LRMDA: variants seen among roughly 807,000 people sequenced by gnomAD.
LRMDA encodes the protein leucine rich melanocyte differentiation associated.
LRMDA carries 18 observed loss-of-function variants against 29.8 expected under a neutral mutation model. The observed-to-expected ratio is 0.60, with a 90% CI of 0.42 to 0.90. The LOEUF (loss-of-function observed/expected upper bound fraction) is 0.90, where lower values mean the gene tolerates loss of function less well. LRMDA is among the 40% of genes least tolerant of loss of function. The pLI, the probability that LRMDA is intolerant of heterozygous loss-of-function variation, is 0.00. For missense variants in LRMDA, 273 were observed against 273.9 expected (o/e 1.00, Z 0.02); for synonymous variants, 125 against 109.4 (o/e 1.14, Z -0.89).
chr10:75,811,441 A>G (rs930673061), intron 2 of LRMDA, among the ~76,000 whole-genome samples: 2 of 152,168 alleles, frequency 1.3e-5, no homozygotes, highest in Non-Finnish European at 2.9e-5. Context: ...CAGCTGCCTC[A>G]GGTGCTGCTG....
At chr10:75,554,827 C>T (rs574953322) in intron 2 of LRMDA, among the ~76,000 whole-genome samples, 3 of 152,224 alleles carry the variant, frequency 2.0e-5, no homozygotes, top group East Asian at 1.9e-4. Context: ...ATAATACTTT[C>T]GTTAAAGGAT....
rs893110658 is a variant in LRMDA at position 75,889,664 on chromosome 10, G to A, written c.132-146344G>A. 2.0e-5 allele frequency among the ~76,000 whole-genome samples: 3 copies of A among 152,298 alleles called. No individual in the cohort carries two copies. The South Asian group carries it at 6.2e-4, about 32-fold the overall frequency. On this transcript the variant is annotated intron_variant, in intron 2 of 6. Coordinates refer to ENST00000611255, the MANE Select transcript of LRMDA (RefSeq NM_001305581.2). ...TTACTAAAGATCAGAGCTGAACTTG[G>A]AGAGGTGGCATGTGGGTACCAAACA...
intron 5 of LRMDA, among the ~76,000 whole-genome samples, chr10:76,167,612 G>A (rs1200698315): frequency 6.6e-6 from 1 of 152,080 alleles, no homozygotes; most frequent in Non-Finnish European, 1.5e-5. Context: ...ATTGGTCTAT[G>A]TATCTGTTTT....
chr10:76,366,460 T>C (rs1288809835), intron 6 of LRMDA, among the ~76,000 whole-genome samples: 1 of 152,214 alleles, frequency 6.6e-6, no homozygotes, highest in East Asian at 1.9e-4. Flanking sequence ...CTTGTAGAGG[T>C]CTTTCAACTC....
intron 2 of LRMDA, among the ~76,000 whole-genome samples, chr10:75,458,896 A>C (rs1328581253): frequency 6.6e-6 from 1 of 151,902 alleles, no homozygotes; most frequent in African/African-American, 2.4e-5. Flanking sequence ...CATAAAAAAA[A>C]CTCCCATCTG....
chr10:75,996,717 T>C (rs1429262817), intron 2 of LRMDA, among the ~76,000 whole-genome samples: 1 of 151,994 alleles, frequency 6.6e-6, no homozygotes, highest in Non-Finnish European at 1.5e-5. Flanking sequence ...AATTACGTGT[T>C]TTTTTTGTTT....
chr10:75,441,498 C>T (rs1308997033), intron 2 of LRMDA, among the ~76,000 whole-genome samples: 1 of 152,218 alleles, frequency 6.6e-6, no homozygotes, highest in Non-Finnish European at 1.5e-5. Context: ...TTGTGGCACA[C>T]AGCAGGAGAT....
chr10:76,271,931 G>A (rs770788176), intron 5 of LRMDA, among the ~76,000 whole-genome samples: 3 of 152,220 alleles, frequency 2.0e-5, no homozygotes, highest in Non-Finnish European at 4.4e-5. Context: ...GAATGAAAGA[G>A]TGAACCTTTG....
intron 6 of LRMDA, among the ~76,000 whole-genome samples, chr10:76,475,778 A>G (rs183302041): frequency 6.6e-5 from 10 of 152,290 alleles, no homozygotes; most frequent in African/African-American, 1.7e-4. Context: ...TGGAAACTGA[A>G]CAACCTGCTC....
chr10:76,230,554 C>CAAAA (rs36026287), intron 5 of LRMDA, among the ~76,000 whole-genome samples: 1 of 115,098 alleles, frequency 8.7e-6, no homozygotes, highest in African/African-American at 3.4e-5. Flanking sequence ...GTTAAGAGGG[C>CAAAA]AAAAAAAAAA....
At chr10:76,488,250 CA>C (rs1842801543) in intron 6 of LRMDA, among the ~76,000 whole-genome samples, 1 of 151,708 alleles carries the variant, frequency 6.6e-6, no homozygotes, top group Admixed American at 6.6e-5. Context: ...TTACAGCATA[CA>C]ATTGAATAAA....
At chr10:75,831,252 C>T (rs558324155) in intron 2 of LRMDA, among the ~76,000 whole-genome samples, 3 of 152,234 alleles carry the variant, frequency 2.0e-5, no homozygotes, top group African/African-American at 7.2e-5. Flanking sequence ...TTTTACTGCG[C>T]TAACCAGGAT....
intron 6 of LRMDA, among the ~76,000 whole-genome samples, chr10:76,439,936 A>G (rs570970690): frequency 6.6e-6 from 1 of 152,240 alleles, no homozygotes; most frequent in South Asian, 2.1e-4. Context: ...GTATAGAACG[A>G]CCCCTTGGGG....
intron 6 of LRMDA, among the ~76,000 whole-genome samples, chr10:76,384,420 A>G (rs1841635140): frequency 6.6e-6 from 1 of 152,188 alleles, no homozygotes; most frequent in Admixed American, 6.5e-5. Flanking sequence ...ACAAAATTTC[A>G]TATTTTATAC....
chr10:75,702,026 C>T (rs1180584362), intron 2 of LRMDA, among the ~76,000 whole-genome samples: 1 of 152,200 alleles, frequency 6.6e-6, no homozygotes, highest in African/African-American at 2.4e-5. Flanking sequence ...CTTGCACATG[C>T]CATTCCCACT....
At chr10:75,772,460 C>T (rs971457476) in intron 2 of LRMDA, among the ~76,000 whole-genome samples, 3 of 152,154 alleles carry the variant, frequency 2.0e-5, no homozygotes, top group Admixed American at 2.0e-4. Flanking sequence ...TTTCATTTTG[C>T]AGTTGCTTTG....
chr10:75,554,763 G>T lies in LRMDA; in HGVS notation c.131+116269G>T, dbSNP rs1306671858. On this transcript the variant is annotated intron_variant, in intron 2 of 6. Transcript: ENST00000611255. ...CTATTTTCTAGAAGAGAGAACATAG[G>T]CAAGTTAACATCTTTCTTTGAGGCC... Among the ~76,000 whole-genome samples, 3 of 152,276 alleles carry T rather than the reference G, an allele frequency of 2.0e-5. No homozygotes were observed. In the South Asian group the frequency reaches 6.2e-4, roughly 32 times the overall value.
rs368495619 is a variant in LRMDA at position 76,427,808 on chromosome 10, T to A, written c.601+103323T>A. 1.8e-4 allele frequency among the ~76,000 whole-genome samples: 27 copies of A among 152,282 alleles called. 1 individual carries two copies. In the East Asian group the frequency reaches 3.3e-3, roughly 19 times the overall value. ...TACCTAATTTATTGAGAGTTTTTAG[T>A]ATGAAGGACTGTTGAATTTTGTCAA... On this transcript the variant is annotated intron_variant, in intron 6 of 6. Transcript: ENST00000611255.
intron 5 of LRMDA, among the ~76,000 whole-genome samples, chr10:76,177,086 A>G (rs1850950414): frequency 6.6e-6 from 1 of 152,208 alleles, no homozygotes; most frequent in Non-Finnish European, 1.5e-5. Context: ...GGGGAAAAGC[A>G]CAGCCTGTTC....
Sources: gnomAD v4.1 joint callset for allele counts (sites outside exome capture counted in the v4.1 genomes callset) on GRCh38, gnomAD v4.1.1 for gene constraint, MANE v1.5 for transcripts, NCBI Gene and HGNC (gene_info 2026-07-23, HGNC 2026-07-21) for gene names.